Variants in PKD1L3 observed in about 807,000 individuals in gnomAD.
PKD1L3 encodes polycystin 1 like 3, transient receptor potential channel interacting, also known as polycystin-1-like protein 3.
In PKD1L3, 239 loss-of-function variants were observed where a neutral mutation model predicts 184.1. The ratio of observed to expected loss-of-function variants is 1.30; its 90% CI spans 1.17 to 1.45. The LOEUF is 1.45. Among genes scored for constraint, PKD1L3 ranks in the 40% most tolerant of loss-of-function variants. The pLI is 0.00. For missense variants in PKD1L3, 2,660 were observed against 2,067.2 expected (o/e 1.29, Z -5.56); for synonymous variants, 996 against 778.8 (o/e 1.28, Z -4.64).
At chr16:71,931,395 T>C (rs74027711) in intron 28 of PKD1L3, among the ~76,000 whole-genome samples, 11,332 of 151,916 alleles carry the variant, frequency 0.075, 1,382 homozygotes, top group African/African-American at 0.26. Flanking sequence ...CTGAGGATGC[T>C]TAAGTCCCTT....
At chr16:71,946,907 GGAGA>G (rs1186788901) in intron 22 of PKD1L3, among the ~76,000 whole-genome samples, 1 of 55,976 alleles carries the variant, frequency 1.8e-5, no homozygotes, top group African/African-American at 5.5e-5. Context: ...AGAGGGAGGG[GGAGA>G]GAGAGAGAGA....
At chr16:71,965,101 GC>G (rs1282673879) in intron 15 of PKD1L3, among the ~76,000 whole-genome samples, 8 of 152,022 alleles carry the variant, frequency 5.3e-5, no homozygotes, top group Non-Finnish European at 1.2e-4. Context: ...AACCACCTTG[GC>G]CCCCCAAAGT....
chr16:71,982,067 T>G lies in PKD1L3; in HGVS notation c.1135A>C (p.Thr379Pro). 6.5e-7 allele frequency: 1 copy of G among 1,547,054 alleles called. No individual in the cohort carries two copies. Among genetic ancestry groups the G allele is most frequent in the Non-Finnish European group, 8.7e-7 (1 of 1,145,016 alleles). The change falls in exon 7 of 30, where the codon ACT (threonine) becomes CCT (proline). Residue 379 changes from threonine (T) to proline (P), a missense_variant. Coordinates refer to ENST00000620267, the MANE Select transcript of PKD1L3 (RefSeq NM_181536.2). ...EGSWLESKRHTEPVEDILEMS... is the reference protein window; with the variant it reads ...EGSWLESKRHPEPVEDILEMS... ...GCATATCTGGCACCTACCGGCTCAG[T>G]ATGACGCTTGGATTCCAGCCAACTT...
intron 12 of PKD1L3, 102 bp from the exon 13 acceptor site, chr16:71,970,207 G>A (rs1037531663): frequency 2.2e-6 from 2 of 913,762 alleles, no homozygotes; most frequent in Non-Finnish European, 3.3e-6. Flanking sequence ...AGAGGTATCT[G>A]GTTCTCTCAT....
chr16:71,934,526 T>C (rs2038108133), intron 26 of PKD1L3, among the ~76,000 whole-genome samples: 1 of 152,226 alleles, frequency 6.6e-6, no homozygotes, highest in Non-Finnish European at 1.5e-5. Flanking sequence ...TGTGGCACAC[T>C]AATCCTGTGT....
intron 19 of PKD1L3, among the ~76,000 whole-genome samples, chr16:71,950,737 CTTTTT>C (rs200363488): frequency 1.4e-5 from 2 of 140,502 alleles, no homozygotes; most frequent in Admixed American, 1.5e-4. Flanking sequence ...GTATTTCTCT[CTTTTT>C]TTTTTTTTTG....
intron 18 of PKD1L3, among the ~76,000 whole-genome samples, chr16:71,951,971 T>C (rs565717836): frequency 6.6e-6 from 1 of 152,230 alleles, no homozygotes. Context: ...AAAGAGACAA[T>C]TTGATCAAAC....
chr16:71,954,850 G>A (rs762009312), intron 16 of PKD1L3, among the ~76,000 whole-genome samples: 9 of 152,142 alleles, frequency 5.9e-5, no homozygotes, highest in Non-Finnish European at 8.8e-5. Flanking sequence ...CAGACCTGGA[G>A]GAAGGTAGTA....
chr16:71,979,707 G>A, intron 9 of PKD1L3, 79 bp downstream of exon 9: 5 of 1,422,202 alleles, frequency 3.5e-6, no homozygotes, highest in Non-Finnish European at 4.6e-6. Flanking sequence ...TACATTTCAT[G>A]ATACATTACT....
intron 5 of PKD1L3, among the ~76,000 whole-genome samples, chr16:71,984,844 T>C (rs558601344): frequency 1.3e-5 from 2 of 152,128 alleles, no homozygotes; most frequent in South Asian, 2.1e-4. Context: ...GGGCGACAGA[T>C]CGAGAATCTG....
At chr16:71,965,555 AT>A (rs34451176) in intron 15 of PKD1L3, among the ~76,000 whole-genome samples, 35,208 of 136,722 alleles carry the variant, frequency 0.26, 3,812 homozygotes, top group South Asian at 0.38. Flanking sequence ...TTTTGTGAGA[AT>A]TTTTTTTTTT....
At chr16:71,932,807 A>ATTTTTTTTTTTTTTTTGTTT (rs2038031017) in intron 28 of PKD1L3, among the ~76,000 whole-genome samples, 1 of 77,846 alleles carries the variant, frequency 1.3e-5, no homozygotes. Flanking sequence ...TTTTTTTTTA[A>ATTTTTTTTTTTTTTTTGTTT]TTTAAATAGA....
intron 16 of PKD1L3, among the ~76,000 whole-genome samples, chr16:71,957,857 T>C (rs1185836388): frequency 6.6e-6 from 1 of 152,158 alleles, no homozygotes; most frequent in Non-Finnish European, 1.5e-5. Flanking sequence ...ACAAGAATTA[T>C]TACTAGAGCC....
At chr16:71,956,184 ATTTTT>A (rs35268514) in intron 16 of PKD1L3, among the ~76,000 whole-genome samples, 30 of 82,762 alleles carry the variant, frequency 3.6e-4, no homozygotes, top group African/African-American at 8.1e-4. Flanking sequence ...AAAGGAAGGA[ATTTTT>A]TTTTTTTTTT....
intron 12 of PKD1L3, among the ~76,000 whole-genome samples, chr16:71,972,234 CA>C (rs145226854): frequency 4.0e-5 from 6 of 149,092 alleles, no homozygotes; most frequent in East Asian, 2.0e-4. Flanking sequence ...CACAAAAAAA[CA>C]AAAAAAAACA....
At position 71,956,018 on chromosome 16, in the gene PKD1L3, T is replaced by C. The variant is rs1472943623; in HGVS notation, c.2613-1717A>G. On this transcript the variant is annotated intron_variant, in intron 16 of 29. Coordinates refer to ENST00000620267, the MANE Select transcript of PKD1L3 (RefSeq NM_181536.2). Reference sequence around the variant, plus strand: ...ATGAGAATAGACTAAATATAACACCTGGCTAAATTTTGTATTTTTTGTAGA... The same window carrying C: ...ATGAGAATAGACTAAATATAACACCCGGCTAAATTTTGTATTTTTTGTAGA... Among the ~76,000 whole-genome samples, 3 of 151,972 alleles carry C rather than the reference T, an allele frequency of 2.0e-5. No individual in the cohort carries two copies. In the South Asian group the frequency reaches 6.2e-4, roughly 32 times the overall value.
At chr16:71,991,747 T>C (rs141179971) in intron 3 of PKD1L3, among the ~76,000 whole-genome samples, 5 of 152,350 alleles carry the variant, frequency 3.3e-5, no homozygotes, top group African/African-American at 9.6e-5. Context: ...AAGATGTGTA[T>C]ATGTAGCATC....
intron 26 of PKD1L3, among the ~76,000 whole-genome samples, 185 bp downstream of exon 26, chr16:71,935,173 G>A (rs1357302330): frequency 6.6e-6 from 1 of 152,226 alleles, no homozygotes; most frequent in Non-Finnish European, 1.5e-5. Flanking sequence ...TCTTCAATGT[G>A]ACTAGCAGTT....
At chr16:71,997,786 A>AATAAATAC (rs1423374251) in intron 2 of PKD1L3, among the ~76,000 whole-genome samples, 2 of 151,030 alleles carry the variant, frequency 1.3e-5, no homozygotes, top group Non-Finnish European at 3.0e-5. Context: ...TAAATAAATA[A>AATAAATAC]ATACAACAAC....
Sources: gnomAD v4.1 joint callset for allele counts (sites outside exome capture counted in the v4.1 genomes callset) on GRCh38, gnomAD v4.1.1 for gene constraint, MANE v1.5 for transcripts, NCBI Gene and HGNC (gene_info 2026-07-23, HGNC 2026-07-21) for gene names.